The following MAPK8 variants were observed in gnomAD, a reference collection of about 807,000 sequenced individuals.
MAPK8 encodes mitogen-activated protein kinase 8.
A neutral mutation model predicts 52.9 loss-of-function variants in MAPK8; 13 were observed. That is an observed-to-expected ratio of 0.25 (90% CI 0.16 to 0.39). The LOEUF is 0.39. MAPK8 is among the 10% of genes least tolerant of loss of function. MAPK8 has a pLI of 1.00. For missense variants in MAPK8, 300 were observed against 519.2 expected (o/e 0.58, Z 4.10); for synonymous variants, 191 against 169.8 (o/e 1.12, Z -0.97).
chr10:48,322,825 T>C (rs1265007509), intron 1 of MAPK8, among the ~76,000 whole-genome samples: 1 of 152,228 alleles, frequency 6.6e-6, no homozygotes, highest in Non-Finnish European at 1.5e-5. Context: ...ATCTTGGTCT[T>C]CATGCTTTTT....
At chr10:48,430,176 C>G (rs934139080) in intron 10 of MAPK8, 1 of 152,306 alleles carries the variant, frequency 6.6e-6, no homozygotes, top group Non-Finnish European at 1.5e-5. Flanking sequence ...TCACTGCAAC[C>G]TCTGCCTCCC....
intron 1 of MAPK8, among the ~76,000 whole-genome samples, chr10:48,336,570 G>A (rs903014126): frequency 6.6e-6 from 1 of 151,880 alleles, no homozygotes; most frequent in African/African-American, 2.4e-5. Flanking sequence ...TTAAAACTAA[G>A]AACTCTAAAA....
At chr10:48,313,072 G>A (rs866948622) in intron 1 of MAPK8, among the ~76,000 whole-genome samples, 2 of 152,150 alleles carry the variant, frequency 1.3e-5, no homozygotes, top group Admixed American at 6.6e-5. Context: ...CACATCTACC[G>A]TGTTATCCAA....
chr10:48,426,215 G>A (rs556116928), intron 8 of MAPK8, 145 bp downstream of exon 8: 25 of 829,896 alleles, frequency 3.0e-5, no homozygotes, highest in African/African-American at 2.2e-4. Context: ...TGAGGTTTTT[G>A]TTTTTTTTTT....
chr10:48,424,610 G>A (rs1450235223), intron 7 of MAPK8: 1 of 1,528,602 alleles, frequency 6.5e-7, no homozygotes. Flanking sequence ...GGCCTAAAAT[G>A]TAGTTTCTAA....
rs774181128 is a variant in MAPK8, at chr10:48,428,717, CTGAG to C, written c.1060+1576_1060+1579del. 1.8e-4 allele frequency among the ~76,000 whole-genome samples: 27 copies of C among 152,298 alleles called. 1 individual carries two copies. In the South Asian group the frequency reaches 3.9e-3, roughly 22 times the overall value. Reference sequence around the variant, plus strand: ...ATATGTATAAAGATATAGCTCTGTACTGAGTATGTATGAAAACATTAACCTAATA... The same window carrying C: ...ATATGTATAAAGATATAGCTCTGTACTATGTATGAAAACATTAACCTAATA... On this transcript the variant is annotated intron_variant, in intron 10 of 11. Coordinates refer to ENST00000374189, the MANE Select transcript of MAPK8 (RefSeq NM_001323329.2).
chr10:48,429,491 A>AC (rs1462048448), intron 10 of MAPK8, among the ~76,000 whole-genome samples: 3 of 152,222 alleles, frequency 2.0e-5, no homozygotes, highest in Non-Finnish European at 4.4e-5. Context: ...CATAGCAGAA[A>AC]GAAAGATTAA....
chr10:48,340,000 C>T (rs1845092755), intron 1 of MAPK8, among the ~76,000 whole-genome samples: 1 of 152,114 alleles, frequency 6.6e-6, no homozygotes, highest in Non-Finnish European at 1.5e-5. Flanking sequence ...GGAGATTTCT[C>T]AAAGAACTAA....
chr10:48,362,880 A>G (rs1410455893), intron 1 of MAPK8, among the ~76,000 whole-genome samples: 2 of 149,494 alleles, frequency 1.3e-5, no homozygotes, highest in African/African-American at 5.0e-5. Context: ...AGCTGGGATT[A>G]CAGGCGCCTG....
At chr10:48,345,976 C>T (rs1845733033) in intron 1 of MAPK8, among the ~76,000 whole-genome samples, 1 of 152,184 alleles carries the variant, frequency 6.6e-6, no homozygotes, top group Admixed American at 6.5e-5. Context: ...AGTGTTTAGG[C>T]TGTAACAAGA....
chr10:48,328,312 T>C (rs1296022432), intron 1 of MAPK8, among the ~76,000 whole-genome samples: 1 of 151,294 alleles, frequency 6.6e-6, no homozygotes, highest in Non-Finnish European at 1.5e-5. Context: ...TTTTTTTTTT[T>C]CTTTGTATTT....
chr10:48,320,453 T>C (rs1355760759), intron 1 of MAPK8, among the ~76,000 whole-genome samples: 2 of 151,862 alleles, frequency 1.3e-5, no homozygotes, highest in Non-Finnish European at 2.9e-5. Flanking sequence ...CCCAGGCTGG[T>C]CTTGAACTCC....
At chr10:48,330,378 G>GT (rs1230520047) in intron 1 of MAPK8, among the ~76,000 whole-genome samples, 1 of 152,164 alleles carries the variant, frequency 6.6e-6, no homozygotes, top group Non-Finnish European at 1.5e-5. Flanking sequence ...TACTAGAAGT[G>GT]TTATTTGCCT....
intron 5 of MAPK8, 129 bp downstream of exon 5, chr10:48,410,297 A>C: frequency 1.5e-6 from 1 of 677,064 alleles, no homozygotes. Context: ...ACCCATATTA[A>C]ATTCTAAAAT....
chr10:48,420,383 T>G, intron 6 of MAPK8, 63 bp downstream of exon 6: 2 of 1,408,648 alleles, frequency 1.4e-6, no homozygotes, highest in Non-Finnish European at 1.9e-6. Context: ...TTCAGTAGAT[T>G]TTTAATGTAA....
chr10:48,347,806 A>G (rs1046374981), intron 1 of MAPK8, among the ~76,000 whole-genome samples: 7 of 152,152 alleles, frequency 4.6e-5, no homozygotes, highest in Non-Finnish European at 1.0e-4. Flanking sequence ...ATTGATGGGC[A>G]TTTGGGTTGG....
chr10:48,369,547 C>G (rs532259437), intron 1 of MAPK8, among the ~76,000 whole-genome samples: 1 of 152,130 alleles, frequency 6.6e-6, no homozygotes, highest in Non-Finnish European at 1.5e-5. Context: ...GAGGGAAAAG[C>G]TCAATAGTAG....
At position 48,401,687 on chromosome 10, in the gene MAPK8, T is replaced by G. The variant is rs150753150; in HGVS notation, c.27T>G (p.Asn9Lys). MSRSKRDN[N>K]FYSVEIGDST... ...TGAGCAGAAGCAAGCGTGACAACAA[T>G]TTTTATAGTGTAGAGATTGGAGATT... Residue 9 changes from asparagine to lysine, a missense_variant, in exon 2 of 12, where the codon AAT (asparagine) becomes AAG (lysine). Transcript: ENST00000374189. 1 of 1,609,440 alleles carries G rather than the reference T, an allele frequency of 6.2e-7. No individual in the cohort carries two copies. The highest frequency in any genetic ancestry group is 1.3e-5 in the African/African-American group (1 of 74,508).
chr10:48,313,296 G>C (rs1182899839), intron 1 of MAPK8, among the ~76,000 whole-genome samples: 1 of 152,110 alleles, frequency 6.6e-6, no homozygotes, highest in African/African-American at 2.4e-5. Context: ...AGCTGGGCGT[G>C]GTAGCGTACG....
Sources: allele counts gnomAD v4.1 joint callset (sites outside exome capture counted in the v4.1 genomes callset), GRCh38; gene constraint gnomAD v4.1.1; transcripts MANE v1.5; gene names NCBI Gene and HGNC (gene_info 2026-07-23, HGNC 2026-07-21).